The following PCDHGA12 variants were observed in gnomAD, a reference collection of about 807,000 sequenced individuals.
The protein encoded by PCDHGA12 is protocadherin gamma subfamily A, 12.
PCDHGA12 carries 43 observed loss-of-function variants against 61.1 expected under a neutral mutation model. The observed-to-expected ratio is 0.70, with a 90% CI of 0.55 to 0.91. The LOEUF (loss-of-function observed/expected upper bound fraction) is 0.91, where lower values mean the gene tolerates loss of function less well. PCDHGA12 is among the 40% of genes least tolerant of loss of function. PCDHGA12 has a pLI of 0.00. For synonymous variants in PCDHGA12, 520 were observed against 542.9 expected, an observed-to-expected ratio of 0.96 and a Z score of 0.59; for missense variants, 1,236 against 1,227.7, an observed-to-expected ratio of 1.01 and a Z score of -0.10.
intron 1 of PCDHGA12, among the ~76,000 whole-genome samples, chr5:141,482,771 A>ACCTAAAATCTCAAACAC (rs1168136626): frequency 4.9e-5 from 7 of 141,414 alleles, no homozygotes; most frequent in African/African-American, 8.5e-5. Flanking sequence ...ATTATCACTG[A>ACCTAAAATCTCAAACAC]ACCTTAAACT....
rs772962568 is a variant in PCDHGA12, at chr5:141,476,311, G to A, written c.2425-18496G>A. The stretch of plus-strand genomic sequence containing the variant: ...ATCTCGGTAGCCTCTCAGCCCGCAG[G>A]TTCCGGGTGGTGTCTGGAGCTAGCC... On this transcript the variant is annotated intron_variant, in intron 1 of 3. Transcript: ENST00000252085. The surrounding 1 kb of genome is among the most constrained non-coding windows in gnomAD (Gnocchi z 7.6). 13 of 1,613,680 alleles carry A rather than the reference G, an allele frequency of 8.1e-6. No individual in the cohort carries two copies. The African/African-American group carries it at 1.5e-4, about 18-fold the overall frequency.
At chr5:141,435,994 G>T (rs1007093302) in intron 1 of PCDHGA12, among the ~76,000 whole-genome samples, 18 of 152,046 alleles carry the variant, frequency 1.2e-4, no homozygotes, top group Admixed American at 1.2e-3. Context: ...GTGATTTTTT[G>T]AAAGAAAGTA....
intron 1 of PCDHGA12, among the ~76,000 whole-genome samples, chr5:141,447,632 T>G (rs931349669): frequency 9.2e-5 from 14 of 152,160 alleles, no homozygotes; most frequent in Non-Finnish European, 2.1e-4. Flanking sequence ...ACCAACAGTA[T>G]GAATGATGGT....
intron 1 of PCDHGA12, 175 bp downstream of exon 1, chr5:141,433,358 CCTATCTATCTATCTAT>C (rs3074541): frequency 2.0e-4 from 99 of 504,042 alleles, no homozygotes; most frequent in East Asian, 3.1e-4. Flanking sequence ...CTACTGTCTG[CCTATCTATCTATCTAT>C]CTATCTATCT....
intron 1 of PCDHGA12, among the ~76,000 whole-genome samples, chr5:141,445,961 G>T (rs944876169): frequency 1.3e-5 from 2 of 152,158 alleles, no homozygotes; most frequent in Non-Finnish European, 2.9e-5. Context: ...GCTATATGGA[G>T]AATTGATTTA....
intron 1 of PCDHGA12, among the ~76,000 whole-genome samples, chr5:141,456,359 G>A (rs2098853225): frequency 6.6e-6 from 1 of 152,158 alleles, no homozygotes; most frequent in Non-Finnish European, 1.5e-5. Context: ...TGGCGTCCAT[G>A]TGTGGTTCAG....
intron 1 of PCDHGA12, among the ~76,000 whole-genome samples, chr5:141,464,912 T>A (rs1303305860): frequency 2.6e-5 from 4 of 152,092 alleles, no homozygotes; most frequent in Non-Finnish European, 5.9e-5. Context: ...CTAATTTTTT[T>A]ATTTTTTTGT....
In PCDHGA12 at chr5:141,493,668, GC is replaced by G. The variant is rs1178535601; in HGVS notation, c.2425-1135del. On this transcript the variant is annotated intron_variant, in intron 1 of 3. Coordinates refer to ENST00000252085, the MANE Select transcript of PCDHGA12 (RefSeq NM_003735.3). This position sits in a 1 kb window ranked among gnomAD's most constrained non-coding sequence, Gnocchi z 4.3. ...CATCCCTGTGCCCTTCTCCATGGCAGCCCCAGAATGGTGCTGGTGACTCCCG... is the reference window on the plus strand; with the variant it reads ...CATCCCTGTGCCCTTCTCCATGGCAGCCCAGAATGGTGCTGGTGACTCCCG... Among the ~76,000 whole-genome samples the G allele has an allele frequency of 6.6e-6, 1 of 152,140 alleles. No individual in the cohort carries two copies. The highest frequency in any genetic ancestry group is 2.4e-5 in the African/African-American group (1 of 41,422).
chr5:141,492,616 G>C (rs976681246), intron 1 of PCDHGA12, among the ~76,000 whole-genome samples: 2 of 152,252 alleles, frequency 1.3e-5, no homozygotes, highest in African/African-American at 4.8e-5. Context: ...CTAAGTGCCG[G>C]GCGGGCAGGA....
intron 1 of PCDHGA12, among the ~76,000 whole-genome samples, chr5:141,473,096 G>A (rs1007912058): frequency 9.9e-5 from 15 of 152,058 alleles, no homozygotes; most frequent in African/African-American, 3.6e-4. Context: ...ACTGTGAGTT[G>A]TATTACCACA....
In PCDHGA12 at chr5:141,493,577, T is replaced by C. The variant is rs2099749081; in HGVS notation, c.2425-1230T>C. On this transcript the variant is annotated intron_variant, in intron 1 of 3. Coordinates refer to ENST00000252085, the MANE Select transcript of PCDHGA12 (RefSeq NM_003735.3). This position sits in a 1 kb window ranked among gnomAD's most constrained non-coding sequence, Gnocchi z 4.3. ...GAGTTCCCCCAGCTCCGTTTCCTCC[T>C]ATCACAATCACTGCATTTCCATGTA... Among the ~76,000 whole-genome samples, 2 of 152,208 alleles carry C rather than the reference T, an allele frequency of 1.3e-5. No homozygotes were observed. The highest frequency in any genetic ancestry group is 1.3e-4 in the Admixed American group (2 of 15,280).
intron 3 of PCDHGA12, among the ~76,000 whole-genome samples, chr5:141,506,038 G>C (rs2099850248): frequency 6.6e-6 from 1 of 152,174 alleles, no homozygotes; most frequent in South Asian, 2.1e-4. Context: ...GTAGGATTCT[G>C]GTTTTCCCAT....
chr5:141,494,048 G>C (rs764072099), intron 1 of PCDHGA12, among the ~76,000 whole-genome samples: 3 of 152,148 alleles, frequency 2.0e-5, no homozygotes, highest in Non-Finnish European at 2.9e-5. Flanking sequence ...GGCCCTGCTT[G>C]GAGGCTGTGG....
In PCDHGA12 at chr5:141,433,032, C is replaced by T. The variant is rs751061646; in HGVS notation, c.2273C>T (p.Ser758Phe). The T allele has an allele frequency of 2.5e-6, 4 of 1,614,188 alleles. No homozygotes were observed. Among genetic ancestry groups the T allele is most frequent in the African/African-American group, 2.7e-5 (2 of 75,058 alleles). The change falls in exon 1 of 4, where the codon TCC (serine) becomes TTC (phenylalanine). Residue 758 changes from serine to phenylalanine, a missense_variant. By Grantham distance (155) the Ser-to-Phe change is radical (BLOSUM62 -2). Transcript: ENST00000252085. ...CTGCAGACCTATTCCCACGAGGTTTCCCTCACCACGGACTCGCGGAAGAGT... is the reference window on the plus strand; with the variant it reads ...CTGCAGACCTATTCCCACGAGGTTTTCCTCACCACGGACTCGCGGAAGAGT... ...AFLQTYSHEVSLTTDSRKSHL... is the reference protein window; with the variant it reads ...AFLQTYSHEVFLTTDSRKSHL...
At chr5:141,450,006 C>CTTTTTT (rs1554136305) in intron 1 of PCDHGA12, among the ~76,000 whole-genome samples, 15 of 132,950 alleles carry the variant, frequency 1.1e-4, no homozygotes, top group African/African-American at 2.0e-4. Context: ...TGCCATGTCT[C>CTTTTTT]TTTTTTTTTT....
intron 1 of PCDHGA12, chr5:141,478,523 G>T (rs2099461821): frequency 6.2e-7 from 1 of 1,609,908 alleles, no homozygotes; most frequent in Non-Finnish European, 8.5e-7. Context: ...GGTGTTGGGT[G>T]CAGAGAGCGC....
rs185280755 is a variant in PCDHGA12 at position 141,476,824 on chromosome 5, C to T, written c.2425-17983C>T. Reference sequence around the variant, plus strand: ...TGCCTATTCACATCAAGGTGCTGGACGCGAATGACAATGCGCCTGTCTTCA... The same window carrying T: ...TGCCTATTCACATCAAGGTGCTGGATGCGAATGACAATGCGCCTGTCTTCA... On this transcript the variant is annotated intron_variant, in intron 1 of 3. Transcript: ENST00000252085. This position sits in a 1 kb window ranked among gnomAD's most constrained non-coding sequence, Gnocchi z 7.6. 24 of 1,613,588 alleles carry T rather than the reference C, an allele frequency of 1.5e-5. No homozygotes were observed. The East Asian group carries it at 4.5e-4, about 30-fold the overall frequency.
At chr5:141,505,604 G>T (rs772730114) in intron 3 of PCDHGA12, 123 bp downstream of exon 3, 1 of 1,535,418 alleles carries the variant, frequency 6.5e-7, no homozygotes, top group Non-Finnish European at 8.8e-7. Flanking sequence ...CTTTCGGCAG[G>T]TCTGAAAGGA....
At chr5:141,481,356 T>A (rs1214829594) in intron 1 of PCDHGA12, among the ~76,000 whole-genome samples, 1 of 152,260 alleles carries the variant, frequency 6.6e-6, no homozygotes, top group East Asian at 1.9e-4. Context: ...CATCTACAGC[T>A]GTTCAATAGA....
Sources: allele counts gnomAD v4.1 joint callset (sites outside exome capture counted in the v4.1 genomes callset), GRCh38; gene constraint gnomAD v4.1.1; non-coding constraint Gnocchi (gnomAD v3.1); transcripts MANE v1.5; gene names NCBI Gene and HGNC (gene_info 2026-07-23, HGNC 2026-07-21).